PRKN: variants seen among roughly 807,000 people sequenced by gnomAD.
PRKN encodes the protein parkin RBR E3 ubiquitin protein ligase.
A neutral mutation model predicts 59.5 loss-of-function variants in PRKN; 56 were observed. The observed-to-expected ratio is 0.94, with a 90% CI of 0.76 to 1.18. The LOEUF (loss-of-function observed/expected upper bound fraction) is 1.18, where lower values mean the gene tolerates loss of function less well. Among genes scored for constraint, PRKN ranks in the 50% most tolerant of loss-of-function variants. The pLI is 0.00. For missense variants in PRKN, 657 were observed against 596.4 expected (o/e 1.10, Z -1.06); for synonymous variants, 250 against 222.1 (o/e 1.13, Z -1.12).
At chr6:162,577,151 A>G (rs538957055) in intron 1 of PRKN, among the ~76,000 whole-genome samples, 1 of 152,304 alleles carries the variant, frequency 6.6e-6, no homozygotes, top group Non-Finnish European at 1.5e-5. Flanking sequence ...TATATCTTCA[A>G]TCTATAAAAA....
At chr6:161,954,137 AGATGC>A (rs1393589635) in intron 6 of PRKN, among the ~76,000 whole-genome samples, 3 of 152,210 alleles carry the variant, frequency 2.0e-5, no homozygotes, top group Non-Finnish European at 2.9e-5. Flanking sequence ...GGCTTCCAGC[AGATGC>A]GACTTGGTTG....
intron 6 of PRKN, among the ~76,000 whole-genome samples, chr6:161,851,046 G>A (rs989727356): frequency 1.2e-4 from 18 of 152,126 alleles, no homozygotes; most frequent in South Asian, 2.1e-4. Context: ...TGGATTTAAC[G>A]TGTCCTCCAA....
At chr6:162,139,360 T>TG (rs148159867) in intron 4 of PRKN, among the ~76,000 whole-genome samples, 415 of 152,314 alleles carry the variant, frequency 2.7e-3, no homozygotes, top group African/African-American at 9.6e-3. Context: ...ATATAAAGCC[T>TG]TCCCTTGAAG....
At chr6:162,650,608 A>AG (rs1179520783) in intron 1 of PRKN, among the ~76,000 whole-genome samples, 16 of 151,354 alleles carry the variant, frequency 1.1e-4, no homozygotes, top group Non-Finnish European at 2.2e-4. Context: ...AAAAAAAAAA[A>AG]AAAAAAAGAA....
intron 1 of PRKN, among the ~76,000 whole-genome samples, chr6:162,483,552 G>A (rs1018029841): frequency 4.2e-4 from 47 of 111,044 alleles, no homozygotes; most frequent in Non-Finnish European, 7.3e-4. Flanking sequence ...AAGAAGGGAC[G>A]TAGGGAAGGA....
At chr6:162,192,056 G>C (rs911196746) in intron 4 of PRKN, among the ~76,000 whole-genome samples, 1 of 152,132 alleles carries the variant, frequency 6.6e-6, no homozygotes, top group Non-Finnish European at 1.5e-5. Flanking sequence ...ACGTTCTTTA[G>C]AGAACCTTAT....
Position 161,352,726 on chromosome 6 carries a change from A to AGTGTGTGTGTGTGT in PRKN, c.1286-2529_1286-2516dup, listed in dbSNP as rs373703677. On this transcript the variant is annotated intron_variant, in intron 11 of 11. Transcript: ENST00000366898. The surrounding 1 kb of genome is among the most constrained non-coding windows in gnomAD (Gnocchi z 5.8). ...TATATAAACACAAATATGTATGAAG[A>AGTGTGTGTGTGTGT]GTGTGTGTGTGTGTGTGTGTGTGTG... Among the ~76,000 whole-genome samples the AGTGTGTGTGTGTGT allele has an allele frequency of 0.057, 7,349 of 128,194 alleles. 278 individuals are homozygous for AGTGTGTGTGTGTGT. Among genetic ancestry groups the AGTGTGTGTGTGTGT allele is most frequent in the Middle Eastern group, 0.085 (21 of 248 alleles). The allele number at this position is 128,194 out of a possible 152,430, so 84.1% of individuals were successfully genotyped here. A position where few individuals can be genotyped will look rare whatever the true frequency, so the allele number is the denominator to read the frequency against.
intron 5 of PRKN, among the ~76,000 whole-genome samples, chr6:162,029,958 C>A (rs1783575376): frequency 6.6e-6 from 1 of 152,090 alleles, no homozygotes; most frequent in East Asian, 1.9e-4. Flanking sequence ...TCTGCTTTAG[C>A]CTCCTGAGTA....
At chr6:162,668,345 C>T (rs1319926698) in intron 1 of PRKN, among the ~76,000 whole-genome samples, 4 of 152,170 alleles carry the variant, frequency 2.6e-5, no homozygotes, top group African/African-American at 7.2e-5. Flanking sequence ...CCAACATCTA[C>T]TTTACCTTGT....
At position 161,502,255 on chromosome 6, in the gene PRKN, T is replaced by C. The variant is rs1777991118; in HGVS notation, c.1083+46599A>G. The stretch of plus-strand genomic sequence containing the variant: ...GGGAGAGGCACTACTCCTATCCCTA[T>C]GTTATAGCTGAGGACGCTGAGACAT... On this transcript the variant is annotated intron_variant, in intron 9 of 11. Coordinates refer to ENST00000366898, the MANE Select transcript of PRKN (RefSeq NM_004562.3). This position sits in a 1 kb window ranked among gnomAD's most constrained non-coding sequence, Gnocchi z 4.0. Among the ~76,000 whole-genome samples the C allele has an allele frequency of 6.6e-6, 1 of 152,214 alleles. No homozygotes were observed. Among genetic ancestry groups the C allele is most frequent in the African/African-American group, 2.4e-5 (1 of 41,472 alleles).
At chr6:161,900,176 GAGGAAGCAGAATA>G in intron 6 of PRKN, among the ~76,000 whole-genome samples, 2 of 151,476 alleles carry the variant, frequency 1.3e-5, no homozygotes, top group East Asian at 3.9e-4. Flanking sequence ...AGTGAATTCA[GAGGAAGCAGAATA>G]AATTTAAAGC....
intron 1 of PRKN, among the ~76,000 whole-genome samples, chr6:162,521,870 G>T (rs1240933511): frequency 6.6e-6 from 1 of 151,928 alleles, no homozygotes; most frequent in Non-Finnish European, 1.5e-5. Context: ...AAATATTAGG[G>T]GCAAGTAAGC....
At chr6:162,095,768 G>A (rs1779698232) in intron 4 of PRKN, among the ~76,000 whole-genome samples, 1 of 152,156 alleles carries the variant, frequency 6.6e-6, no homozygotes, top group African/African-American at 2.4e-5. Flanking sequence ...GGCTCCAGAG[G>A]TGGACAGGTG....
At chr6:161,536,501 G>A (rs1779420078) in intron 9 of PRKN, among the ~76,000 whole-genome samples, 1 of 152,104 alleles carries the variant, frequency 6.6e-6, no homozygotes, top group African/African-American at 2.4e-5. Context: ...TTAGTGTACA[G>A]TCTGTCTGCT....
chr6:162,496,054 AT>A (rs1276774732), intron 1 of PRKN, among the ~76,000 whole-genome samples: 1 of 152,136 alleles, frequency 6.6e-6, no homozygotes, highest in Non-Finnish European at 1.5e-5. Context: ...CCTGGCCAAC[AT>A]GGTGAAACCC....
At chr6:161,874,473 T>G (rs1222805346) in intron 6 of PRKN, among the ~76,000 whole-genome samples, 1 of 88,790 alleles carries the variant, frequency 1.1e-5, no homozygotes, top group African/African-American at 5.0e-5. Flanking sequence ...AAATATATTA[T>G]ATGTAAAATA....
At chr6:161,384,720 G>A (rs1461978417) in intron 10 of PRKN, among the ~76,000 whole-genome samples, 3 of 152,110 alleles carry the variant, frequency 2.0e-5, no homozygotes, top group Non-Finnish European at 4.4e-5. Flanking sequence ...ACCCTCTGCT[G>A]GAATGTCCTT....
intron 9 of PRKN, among the ~76,000 whole-genome samples, chr6:161,415,201 G>A (rs1483521312): frequency 6.6e-6 from 1 of 152,162 alleles, no homozygotes; most frequent in African/African-American, 2.4e-5. Context: ...GTCAGACCCA[G>A]TAACAACTTA....
chr6:162,068,264 A>G (rs1301888093), intron 4 of PRKN, among the ~76,000 whole-genome samples: 1 of 107,880 alleles, frequency 9.3e-6, no homozygotes, highest in Non-Finnish European at 2.2e-5. Flanking sequence ...TATTATCGAC[A>G]GGTTTTTCCA....
Sources: gnomAD v4.1 joint callset for allele counts (sites outside exome capture counted in the v4.1 genomes callset) on GRCh38, gnomAD v4.1.1 for gene constraint, Gnocchi (gnomAD v3.1) non-coding constraint, MANE v1.5 for transcripts, NCBI Gene and HGNC (gene_info 2026-07-23, HGNC 2026-07-21) for gene names.